Variants in HIF1AN observed in about 807,000 individuals in gnomAD.
The protein encoded by HIF1AN is hypoxia inducible factor 1 subunit alpha inhibitor, also known as hypoxia-inducible factor 1-alpha inhibitor.
A neutral mutation model predicts 47.7 loss-of-function variants in HIF1AN; 21 were observed. That is an observed-to-expected ratio of 0.44 (90% CI 0.31 to 0.63). The LOEUF (loss-of-function observed/expected upper bound fraction) is 0.63. Ranked by LOEUF, HIF1AN falls within the 30% of genes least tolerant of loss-of-function variation. HIF1AN has a pLI of 0.07. For missense variants in HIF1AN, 320 were observed against 432.7 expected, an observed-to-expected ratio of 0.74 and a Z score of 2.31; for synonymous variants, 152 against 155.9, an observed-to-expected ratio of 0.98 and a Z score of 0.18.
chr10:100,540,083 A>G (rs919370946), intron 2 of HIF1AN, among the ~76,000 whole-genome samples: 17 of 151,844 alleles, frequency 1.1e-4, no homozygotes, highest in African/African-American at 4.1e-4. Flanking sequence ...ATCTCAGCTC[A>G]CTGCAACCTC....
rs553401378 is a variant in HIF1AN, at chr10:100,544,875, T to C, written c.578-76T>C. ...CTGGGAGGGCAGGCTGGGTTTCTCTTTAGCACTGGGTCCTGTATTCCAGCT... is the reference window on the plus strand; with the variant it reads ...CTGGGAGGGCAGGCTGGGTTTCTCTCTAGCACTGGGTCCTGTATTCCAGCT... On this transcript the variant is annotated intron_variant, in intron 3 of 7. Coordinates refer to ENST00000299163, the MANE Select transcript of HIF1AN (RefSeq NM_017902.3). The C allele has an allele frequency of 3.0e-5, 43 of 1,429,442 alleles. No homozygotes were observed. In the African/African-American group the frequency reaches 5.4e-4, roughly 18 times the overall value. The allele number at this position is 1,429,442 out of a possible 1,614,324, so 88.5% of individuals were successfully genotyped here. A position where few individuals can be genotyped will look rare whatever the true frequency, so the allele number is the denominator to read the frequency against.
At position 100,554,301 on chromosome 10, in the gene HIF1AN, T is replaced by A. The variant is rs1843195178; in HGVS notation, c.*6164T>A. The A allele has an allele frequency of 6.6e-6, 1 of 152,098 alleles. No individual in the cohort carries two copies. Among genetic ancestry groups the A allele is most frequent in the South Asian group, 2.1e-4 (1 of 4,826 alleles). 9.4% of individuals were successfully genotyped at this position (152,098 alleles called of 1,614,324 possible). ...TGTAATAGCAGTCAAATCAGGCCCCTCTTGATTCAATTTTAGTCCATGCCT... is the reference window on the plus strand; with the variant it reads ...TGTAATAGCAGTCAAATCAGGCCCCACTTGATTCAATTTTAGTCCATGCCT... On this transcript the variant is annotated 3_prime_UTR_variant, in exon 8 of 8. Transcript: ENST00000299163.
At position 100,559,176 on chromosome 10, in the gene HIF1AN, C is replaced by T. The variant is rs1230274096; in HGVS notation, c.*11039C>T. 3 of 151,782 alleles carry T rather than the reference C, an allele frequency of 2.0e-5. No homozygotes were observed. The highest frequency in any genetic ancestry group is 6.6e-5 in the Admixed American group (1 of 15,226). The allele number at this position is 151,782 out of a possible 1,614,324, so 9.4% of individuals were successfully genotyped here. On this transcript the variant is annotated 3_prime_UTR_variant, in exon 8 of 8. Transcript: ENST00000299163. ...ACTTAAGATTTCCTGTATTTATAAA[C>T]TTAATTTATTGGAAATATAAGTACT...
intron 2 of HIF1AN, among the ~76,000 whole-genome samples, chr10:100,539,769 G>T (rs755773801): frequency 6.6e-6 from 1 of 152,186 alleles, no homozygotes; most frequent in African/African-American, 2.4e-5. Context: ...GCTTCAAGGG[G>T]ATGTGAAAGA....
chr10:100,552,634 T>A lies in HIF1AN; in HGVS notation c.*4497T>A, dbSNP rs547013355. 1 of 152,628 alleles carries A rather than the reference T, an allele frequency of 6.6e-6. No homozygotes were observed. Among genetic ancestry groups the A allele is most frequent in the East Asian group, 1.9e-4 (1 of 5,188 alleles). The allele number at this position is 152,628 out of a possible 1,614,324, so 9.5% of individuals were successfully genotyped here. A position where few individuals can be genotyped will look rare whatever the true frequency, so the allele number is the denominator to read the frequency against. On this transcript the variant is annotated 3_prime_UTR_variant, in exon 8 of 8. Coordinates refer to ENST00000299163, the MANE Select transcript of HIF1AN (RefSeq NM_017902.3). ...CCTTATTCAGCTGTCTCCTGCCTAG[T>A]CTCTCCAGCGGCCTCCTTACCAAGA... is the stretch of plus-strand genomic sequence containing the variant.
At chr10:100,541,708 C>T (rs1410476081) in intron 3 of HIF1AN, among the ~76,000 whole-genome samples, 1 of 152,122 alleles carries the variant, frequency 6.6e-6, no homozygotes, top group African/African-American at 2.4e-5. Context: ...TAAAAAGTTC[C>T]CTTTTCCCTT....
intron 2 of HIF1AN, among the ~76,000 whole-genome samples, chr10:100,538,967 A>G (rs571036712): frequency 7.0e-6 from 1 of 141,964 alleles, no homozygotes; most frequent in East Asian, 2.1e-4. Context: ...GTGCAGTGGC[A>G]TGATCTCAGC....
chr10:100,547,276 A>C (rs1843103168), intron 7 of HIF1AN, 26 bp downstream of exon 7: 2 of 1,485,602 alleles, frequency 1.3e-6, no homozygotes, highest in East Asian at 4.5e-5. Flanking sequence ...AAGGTGGCTC[A>C]GTGGGTGGGT....
rs1199122885 is a variant in HIF1AN, at chr10:100,545,105, G to A, written c.723+9G>A. 6.2e-7 allele frequency: 1 copy of A among 1,613,976 alleles called. No individual in the cohort carries two copies. The highest frequency in any genetic ancestry group is 8.5e-7 in the Non-Finnish European group (1 of 1,179,870). ...GTGACAGACAGAGCCAGGTGAGCTTGTGTGGTCTGAGAAGGGTATAGAACT... is the reference window on the plus strand; with the variant it reads ...GTGACAGACAGAGCCAGGTGAGCTTATGTGGTCTGAGAAGGGTATAGAACT... On this transcript the variant is annotated intron_variant, in intron 4 of 7. Transcript: ENST00000299163.
intron 3 of HIF1AN, among the ~76,000 whole-genome samples, 180 bp downstream of exon 3, chr10:100,540,962 C>T (rs1197361635): frequency 6.6e-6 from 1 of 152,184 alleles, no homozygotes; most frequent in Non-Finnish European, 1.5e-5. Context: ...CGCCTGTAAT[C>T]CCAGCAGTTT....
Position 100,548,205 on chromosome 10 carries a change from C to T in HIF1AN, c.*68C>T. ...GTCCACACCGCTTCATTGATGAGGA[C>T]AGGAGACTCCAAGCGCTAGTATTGC... is the stretch of plus-strand genomic sequence containing the variant. On this transcript the variant is annotated 3_prime_UTR_variant, in exon 8 of 8. Transcript: ENST00000299163. 1 of 1,359,038 alleles carries T rather than the reference C, an allele frequency of 7.4e-7. No individual in the cohort carries two copies. The highest frequency in any genetic ancestry group is 1.0e-6 in the Non-Finnish European group (1 of 985,796). 84.2% of individuals were successfully genotyped at this position (1,359,038 alleles called of 1,614,324 possible). A position where few individuals can be genotyped will look rare whatever the true frequency, so the allele number is the denominator to read the frequency against.
At chr10:100,543,389 C>G (rs1462332797) in intron 3 of HIF1AN, among the ~76,000 whole-genome samples, 1 of 152,034 alleles carries the variant, frequency 6.6e-6, no homozygotes, top group East Asian at 1.9e-4. Flanking sequence ...AGATGGGGGT[C>G]TCCCTATGTT....
At position 100,556,069 on chromosome 10, in the gene HIF1AN, C is replaced by G. The variant is rs183077929; in HGVS notation, c.*7932C>G. On this transcript the variant is annotated 3_prime_UTR_variant, in exon 8 of 8. Coordinates refer to ENST00000299163, the MANE Select transcript of HIF1AN (RefSeq NM_017902.3). ...TAGCAAGGGCTCAGTCTTTCTGTGT[C>G]TCTCAGTCTTTACCTCTCTTCCCCA... is the stretch of plus-strand genomic sequence containing the variant. 7 of 152,226 alleles carry G rather than the reference C, an allele frequency of 4.6e-5. No homozygotes were observed. Among genetic ancestry groups the G allele is most frequent in the African/African-American group, 1.7e-4 (7 of 41,452 alleles). The allele number at this position is 152,226 out of a possible 1,614,324, so 9.4% of individuals were successfully genotyped here.
In HIF1AN at chr10:100,548,086, T is replaced by C. The variant is rs1843111331; in HGVS notation, c.1006-7T>C. The C allele has an allele frequency of 6.2e-7, 1 of 1,613,956 alleles. No homozygotes were observed. Reference sequence around the variant, plus strand: ...AGTTCTGATTGGCTCCTCATGTTTCTTTACAGGTGGGGCCCTTGTTGAACA... The same window carrying C: ...AGTTCTGATTGGCTCCTCATGTTTCCTTACAGGTGGGGCCCTTGTTGAACA... On this transcript the variant is annotated splice_polypyrimidine_tract_variant and splice_region_variant and intron_variant, in intron 7 of 7. Transcript: ENST00000299163.
chr10:100,558,285 A>T lies in HIF1AN; in HGVS notation c.*10148A>T, dbSNP rs1281432331. The T allele has an allele frequency of 6.6e-6, 1 of 152,250 alleles. No individual in the cohort carries two copies. Among genetic ancestry groups the T allele is most frequent in the Non-Finnish European group, 1.5e-5 (1 of 68,050 alleles). The allele number at this position is 152,250 out of a possible 1,614,324, so 9.4% of individuals were successfully genotyped here. A position where few individuals can be genotyped will look rare whatever the true frequency, so the allele number is the denominator to read the frequency against. On this transcript the variant is annotated 3_prime_UTR_variant, in exon 8 of 8. Coordinates refer to ENST00000299163, the MANE Select transcript of HIF1AN (RefSeq NM_017902.3). Reference sequence around the variant, plus strand: ...GTCAAAGTTGTTACAGCAATCCTGCATTCAACCAGGTTTCATCTGAAAAAC... The same window carrying T: ...GTCAAAGTTGTTACAGCAATCCTGCTTTCAACCAGGTTTCATCTGAAAAAC...
At chr10:100,545,673 C>T (rs917373266) in intron 4 of HIF1AN, among the ~76,000 whole-genome samples, 1 of 152,198 alleles carries the variant, frequency 6.6e-6, no homozygotes, top group Admixed American at 6.5e-5. Context: ...CTCATATCCT[C>T]AGCTGTGGAG....
Position 100,536,669 on chromosome 10 carries a change from C to T in HIF1AN, c.428+8C>T. On this transcript the variant is annotated splice_region_variant and intron_variant, in intron 2 of 7. Coordinates refer to ENST00000299163, the MANE Select transcript of HIF1AN (RefSeq NM_017902.3). ...GCGAGGAGGGGAAGAGAGGTAAATT[C>T]CGAAAGCTTAATTTTCTGTTGGATT... 1 of 1,613,368 alleles carries T rather than the reference C, an allele frequency of 6.2e-7. No individual in the cohort carries two copies. Among genetic ancestry groups the T allele is most frequent in the East Asian group, 2.2e-5 (1 of 44,886 alleles).
rs1033314925 is a variant in HIF1AN at position 100,550,806 on chromosome 10, C to T, written c.*2669C>T. The T allele has an allele frequency of 6.6e-6, 1 of 152,246 alleles. No individual in the cohort carries two copies. Among genetic ancestry groups the T allele is most frequent in the Admixed American group, 6.5e-5 (1 of 15,284 alleles). The allele number at this position is 152,246 out of a possible 1,614,324, so 9.4% of individuals were successfully genotyped here. A position where few individuals can be genotyped will look rare whatever the true frequency, so the allele number is the denominator to read the frequency against. Reference sequence around the variant, plus strand: ...TGCTTTTGCATCTATAGAACTGAAGCTGTAGTTCTAGATGGCACTAAGGGT... The same window carrying T: ...TGCTTTTGCATCTATAGAACTGAAGTTGTAGTTCTAGATGGCACTAAGGGT... On this transcript the variant is annotated 3_prime_UTR_variant, in exon 8 of 8. Transcript: ENST00000299163.
Position 100,550,553 on chromosome 10 carries a change from A to G in HIF1AN, c.*2416A>G, listed in dbSNP as rs987489348. 6.6e-6 allele frequency: 1 copy of G among 152,176 alleles called. No individual in the cohort carries two copies. The highest frequency in any genetic ancestry group is 1.5e-5 in the Non-Finnish European group (1 of 68,052). The allele number at this position is 152,176 out of a possible 1,614,324, so 9.4% of individuals were successfully genotyped here. ...TTGTACCACAGGTTCTGTCCTCAAGATATCACCCCACTGGGCAGTATCTGA... is the reference window on the plus strand; with the variant it reads ...TTGTACCACAGGTTCTGTCCTCAAGGTATCACCCCACTGGGCAGTATCTGA... On this transcript the variant is annotated 3_prime_UTR_variant, in exon 8 of 8. Transcript: ENST00000299163.
Sources: gnomAD v4.1 joint callset for allele counts (sites outside exome capture counted in the v4.1 genomes callset) on GRCh38, gnomAD v4.1.1 for gene constraint, MANE v1.5 for transcripts, NCBI Gene and HGNC (gene_info 2026-07-23, HGNC 2026-07-21) for gene names.